AJAP1: variants seen among roughly 807,000 people sequenced by gnomAD.
AJAP1 encodes the protein adherens junction-associated protein 1.
A neutral mutation model predicts 35.0 loss-of-function variants in AJAP1; 5 were observed. The observed-to-expected ratio is 0.14, with a 90% CI of 0.07 to 0.30. The LOEUF (loss-of-function observed/expected upper bound fraction) is 0.30. Among genes scored for constraint, AJAP1 ranks in the 10% least tolerant of loss-of-function variants. The pLI is 1.00. For missense variants in AJAP1, 586 were observed against 571.0 expected, an observed-to-expected ratio of 1.03 and a Z score of -0.27; for synonymous variants, 284 against 249.3, an observed-to-expected ratio of 1.14 and a Z score of -1.31.
At chr1:4,701,217 T>A (rs776265770) in intron 1 of AJAP1, among the ~76,000 whole-genome samples, 14 of 152,276 alleles carry the variant, frequency 9.2e-5, no homozygotes, top group Admixed American at 2.0e-4. Flanking sequence ...GAGTGCTGGG[T>A]GCTCCCGTGA....
At chr1:4,715,290 C>G (rs1640363598) in intron 2 of AJAP1, among the ~76,000 whole-genome samples, 1 of 152,262 alleles carries the variant, frequency 6.6e-6, no homozygotes, top group Non-Finnish European at 1.5e-5. Flanking sequence ...TGCCTTGAGG[C>G]TGAAGATCTG....
chr1:4,754,077 G>A (rs949016766), intron 2 of AJAP1, among the ~76,000 whole-genome samples: 5 of 152,306 alleles, frequency 3.3e-5, no homozygotes, highest in South Asian at 2.1e-4. Context: ...ACATTGACCA[G>A]CTATAGTCCA....
At chr1:4,777,471 A>T (rs190220892) in intron 5 of AJAP1, 1 of 152,318 alleles carries the variant, frequency 6.6e-6, no homozygotes, top group Admixed American at 6.5e-5. Flanking sequence ...GATAGATTCC[A>T]ACACGTTCTG....
intron 2 of AJAP1, among the ~76,000 whole-genome samples, chr1:4,727,494 G>A (rs1640692531): frequency 6.6e-6 from 1 of 152,228 alleles, no homozygotes; most frequent in African/African-American, 2.4e-5. Flanking sequence ...TGTAGCACTT[G>A]GTCACTGATG....
chr1:4,696,986 ATGTG>A (rs1398171943), intron 1 of AJAP1, among the ~76,000 whole-genome samples: 8 of 151,868 alleles, frequency 5.3e-5, no homozygotes, highest in East Asian at 3.9e-4. Flanking sequence ...GCACATGTGC[ATGTG>A]TGTATGTGTG....
chr1:4,692,568 G>A lies in AJAP1; in HGVS notation c.30-19332G>A, dbSNP rs1639768146. 6.6e-6 allele frequency among the ~76,000 whole-genome samples: 1 copy of A among 152,204 alleles called. No homozygotes were observed. Among genetic ancestry groups the A allele is most frequent in the Non-Finnish European group, 1.5e-5 (1 of 68,028 alleles). ...GCTCAGCCCCAGCCTGGCCTCCGCAGGCCTCCTGACCATGGCGGGGCCTTC... is the reference window on the plus strand; with the variant it reads ...GCTCAGCCCCAGCCTGGCCTCCGCAAGCCTCCTGACCATGGCGGGGCCTTC... On this transcript the variant is annotated intron_variant, in intron 1 of 5. Coordinates refer to ENST00000378191, the MANE Select transcript of AJAP1 (RefSeq NM_018836.4). This position sits in a 1 kb window ranked among gnomAD's most constrained non-coding sequence, Gnocchi z 4.4.
At chr1:4,696,141 G>A (rs898154197) in intron 1 of AJAP1, among the ~76,000 whole-genome samples, 8 of 151,948 alleles carry the variant, frequency 5.3e-5, no homozygotes, top group African/African-American at 1.9e-4. Context: ...GAGACGCAGG[G>A]GTTTTGGGTT....
At chr1:4,667,873 T>C (rs990162176) in intron 1 of AJAP1, among the ~76,000 whole-genome samples, 3 of 151,952 alleles carry the variant, frequency 2.0e-5, no homozygotes, top group Non-Finnish European at 4.4e-5. Flanking sequence ...AGGTTTCAAG[T>C]GGGAAGGGGA....
At chr1:4,779,409 C>T (rs1405905004) in intron 5 of AJAP1, among the ~76,000 whole-genome samples, 5 of 151,108 alleles carry the variant, frequency 3.3e-5, no homozygotes, top group Admixed American at 2.0e-4. Context: ...GATCTCAGCT[C>T]GCTGTAAGCT....
intron 2 of AJAP1, among the ~76,000 whole-genome samples, chr1:4,733,421 A>T (rs1253602599): frequency 2.3e-5 from 3 of 129,350 alleles, no homozygotes; most frequent in Non-Finnish European, 5.0e-5. Context: ...CACCTGTTCA[A>T]CCATTCATTC....
chr1:4,672,883 G>A (rs1639278936), intron 1 of AJAP1, among the ~76,000 whole-genome samples: 1 of 152,216 alleles, frequency 6.6e-6, no homozygotes, highest in Non-Finnish European at 1.5e-5. Flanking sequence ...CATCACCGGA[G>A]TCCTTGGGTG....
chr1:4,685,446 G>A (rs903511848), intron 1 of AJAP1, among the ~76,000 whole-genome samples: 1 of 152,168 alleles, frequency 6.6e-6, no homozygotes, highest in African/African-American at 2.4e-5. Flanking sequence ...ACCTTCCTGA[G>A]GATGCTTATT....
chr1:4,761,218 A>G (rs1408657728), intron 2 of AJAP1, among the ~76,000 whole-genome samples: 1 of 152,202 alleles, frequency 6.6e-6, no homozygotes, highest in Non-Finnish European at 1.5e-5. Flanking sequence ...ATTTGAATGC[A>G]GCAGTGCTGA....
At chr1:4,779,630 A>G (rs1642021358) in intron 5 of AJAP1, among the ~76,000 whole-genome samples, 1 of 152,164 alleles carries the variant, frequency 6.6e-6, no homozygotes, top group African/African-American at 2.4e-5. Context: ...GGTGGCAGCC[A>G]TATGACTTAC....
chr1:4,663,859 G>A (rs1391331743), intron 1 of AJAP1, among the ~76,000 whole-genome samples: 1 of 152,158 alleles, frequency 6.6e-6, no homozygotes, highest in Non-Finnish European at 1.5e-5. Context: ...GTCTGCATAG[G>A]ACATGGGATG....
intron 1 of AJAP1, among the ~76,000 whole-genome samples, chr1:4,686,836 C>G (rs1268209746): frequency 2.0e-5 from 3 of 152,228 alleles, no homozygotes; most frequent in African/African-American, 7.2e-5. Flanking sequence ...CCTCCAGTCT[C>G]TCAGTGTGGC....
rs190241945 is a variant in AJAP1 at position 4,737,755 on chromosome 1, C to G, written c.829+25056C>G. Among the ~76,000 whole-genome samples, 648 of 152,254 alleles carry G rather than the reference C, an allele frequency of 4.3e-3. 9 individuals are homozygous for G. The highest frequency in any genetic ancestry group is 0.015 in the African/African-American group (616 of 41,530). On this transcript the variant is annotated intron_variant, in intron 2 of 5. Transcript: ENST00000378191. The stretch of plus-strand genomic sequence containing the variant: ...CAAAAATAATTATTTAAAATATTAG[C>G]TGGATGTAGTGGTGCATGCACCTGT...
intron 2 of AJAP1, among the ~76,000 whole-genome samples, chr1:4,747,642 G>A (rs548636342): frequency 6.6e-6 from 1 of 152,266 alleles, no homozygotes; most frequent in South Asian, 2.1e-4. Context: ...GGAAGGAGTG[G>A]ATAGATCACA....
intron 1 of AJAP1, among the ~76,000 whole-genome samples, chr1:4,675,017 C>G (rs1015895527): frequency 6.6e-6 from 1 of 152,218 alleles, no homozygotes; most frequent in East Asian, 1.9e-4. Flanking sequence ...AATGCTGTCC[C>G]TTTGCCATGA....
Sources: allele counts gnomAD v4.1 joint callset (sites outside exome capture counted in the v4.1 genomes callset), GRCh38; gene constraint gnomAD v4.1.1; non-coding constraint Gnocchi (gnomAD v3.1); transcripts MANE v1.5; gene names NCBI Gene and HGNC (gene_info 2026-07-23, HGNC 2026-07-21).